The following GRXCR1 variants were observed in gnomAD, a reference collection of about 807,000 sequenced individuals.
GRXCR1 encodes the protein glutaredoxin and cysteine rich domain containing 1.
GRXCR1 carries 27 observed loss-of-function variants against 27.3 expected under a neutral mutation model. The ratio of observed to expected loss-of-function variants is 0.99; its 90% CI spans 0.73 to 1.37. The LOEUF is 1.37. Among genes scored for constraint, GRXCR1 ranks in the 40% most tolerant of loss-of-function variants. GRXCR1 has a pLI of 0.00. For missense variants in GRXCR1, 379 were observed against 354.4 expected, an observed-to-expected ratio of 1.07 and a Z score of -0.56; for synonymous variants, 122 against 131.1, an observed-to-expected ratio of 0.93 and a Z score of 0.47.
At chr4:42,935,653 A>G (rs1471557152) in intron 1 of GRXCR1, among the ~76,000 whole-genome samples, 1 of 151,948 alleles carries the variant, frequency 6.6e-6, no homozygotes, top group Non-Finnish European at 1.5e-5. Context: ...CCTCTGAGAC[A>G]TGGGATGAGT....
chr4:42,932,318 C>T (rs540479662), intron 1 of GRXCR1, among the ~76,000 whole-genome samples: 1 of 151,584 alleles, frequency 6.6e-6, no homozygotes, highest in Non-Finnish European at 1.5e-5. Flanking sequence ...TCTGTTCAGT[C>T]CCTGGAATAT....
chr4:42,941,596 A>T (rs10517064), intron 1 of GRXCR1, among the ~76,000 whole-genome samples: 1 of 151,758 alleles, frequency 6.6e-6, no homozygotes, highest in East Asian at 1.9e-4. Context: ...TTTAACGGAG[A>T]GGCAAATGAG....
chr4:42,937,024 T>C (rs1332138973), intron 1 of GRXCR1, among the ~76,000 whole-genome samples: 2 of 151,892 alleles, frequency 1.3e-5, no homozygotes, highest in African/African-American at 4.8e-5. Context: ...ATTTACCAGG[T>C]GAGGAGTTAC....
intron 2 of GRXCR1, among the ~76,000 whole-genome samples, chr4:43,002,996 A>T (rs1374507036): frequency 6.6e-6 from 1 of 152,160 alleles, no homozygotes; most frequent in Non-Finnish European, 1.5e-5. Flanking sequence ...AGTGCTCAAG[A>T]GATATGATGG....
chr4:43,013,617 C>T (rs1712833963), intron 2 of GRXCR1, among the ~76,000 whole-genome samples: 1 of 151,856 alleles, frequency 6.6e-6, no homozygotes, highest in Non-Finnish European at 1.5e-5. Flanking sequence ...CACATGTACC[C>T]CTGAATCGAA....
At position 43,012,591 on chromosome 4, in the gene GRXCR1, A is replaced by G. The variant is rs575514427; in HGVS notation, c.628-7763A>G. On this transcript the variant is annotated intron_variant, in intron 2 of 3. Transcript: ENST00000399770. ...TCTAACTAACAACTACTAATTATTG[A>G]GTTCATATTATGTGTCATGCAACGT... Among the ~76,000 whole-genome samples, 14 of 152,246 alleles carry G rather than the reference A, an allele frequency of 9.2e-5. No individual in the cohort carries two copies. The South Asian group carries it at 2.9e-3, about 32-fold the overall frequency.
chr4:42,955,488 G>T (rs542262554), intron 1 of GRXCR1, among the ~76,000 whole-genome samples: 2 of 152,184 alleles, frequency 1.3e-5, no homozygotes, highest in East Asian at 3.9e-4. Flanking sequence ...TCAGTGGAAA[G>T]CACGTGGACT....
chr4:43,004,252 C>T lies in GRXCR1; in HGVS notation c.628-16102C>T, dbSNP rs368863697. 1.4e-4 allele frequency among the ~76,000 whole-genome samples: 21 copies of T among 152,322 alleles called. No homozygotes were observed. The East Asian group carries it at 1.7e-3, about 13-fold the overall frequency. On this transcript the variant is annotated intron_variant, in intron 2 of 3. Transcript: ENST00000399770. ...TGCAAGAGATGAGAGTTAAGCTTTGCGAGCTTCTGCCTAGATTTCAGAGGA... is the reference window on the plus strand; with the variant it reads ...TGCAAGAGATGAGAGTTAAGCTTTGTGAGCTTCTGCCTAGATTTCAGAGGA...
intron 1 of GRXCR1, among the ~76,000 whole-genome samples, chr4:42,932,800 C>A (rs1009155653): frequency 2.0e-5 from 3 of 151,168 alleles, no homozygotes; most frequent in African/African-American, 7.3e-5. Flanking sequence ...AAGACCAAGG[C>A]CAACTTTAAA....
chr4:43,018,632 C>G (rs555782381), intron 2 of GRXCR1, among the ~76,000 whole-genome samples: 1 of 152,110 alleles, frequency 6.6e-6, no homozygotes, highest in Admixed American at 6.5e-5. Context: ...TTTTCTGGTA[C>G]ATTCATTTTG....
chr4:42,983,071 T>G (rs949690600), intron 2 of GRXCR1, among the ~76,000 whole-genome samples: 2 of 151,628 alleles, frequency 1.3e-5, no homozygotes, highest in Non-Finnish European at 3.0e-5. Flanking sequence ...TAGATCCCAT[T>G]TGTCAATTTT....
At chr4:43,005,507 A>T (rs1407997338) in intron 2 of GRXCR1, among the ~76,000 whole-genome samples, 1 of 152,184 alleles carries the variant, frequency 6.6e-6, no homozygotes, top group Non-Finnish European at 1.5e-5. Flanking sequence ...ATGTTGGATC[A>T]GTTTTGACAA....
At chr4:42,957,997 G>A (rs1445383393) in intron 1 of GRXCR1, among the ~76,000 whole-genome samples, 1 of 151,896 alleles carries the variant, frequency 6.6e-6, no homozygotes, top group Non-Finnish European at 1.5e-5. Context: ...CAATATGTGA[G>A]CATTGAAGAG....
At chr4:42,906,487 G>A (rs1746594993) in intron 1 of GRXCR1, among the ~76,000 whole-genome samples, 1 of 152,054 alleles carries the variant, frequency 6.6e-6, no homozygotes, top group Non-Finnish European at 1.5e-5. Flanking sequence ...CTTTGCCTGG[G>A]ATGCCAGTCA....
At position 42,991,344 on chromosome 4, in the gene GRXCR1, A is replaced by C. The variant is rs546982230; in HGVS notation, c.627+28210A>C. Among the ~76,000 whole-genome samples the C allele has an allele frequency of 7.9e-5, 12 of 152,022 alleles. No homozygotes were observed. The South Asian group carries it at 2.5e-3, about 32-fold the overall frequency. The stretch of plus-strand genomic sequence containing the variant: ...TAACCCATTTATATTTATTGTCTTA[A>C]ACAAAATTTTTTTCTTACCATTCTT... On this transcript the variant is annotated intron_variant, in intron 2 of 3. Transcript: ENST00000399770.
chr4:42,997,956 A>T (rs1216909849), intron 2 of GRXCR1, among the ~76,000 whole-genome samples: 2 of 152,178 alleles, frequency 1.3e-5, no homozygotes, highest in African/African-American at 4.8e-5. Flanking sequence ...TGTTGGCCTC[A>T]CCATACCTGA....
At chr4:42,907,288 C>T (rs1746618218) in intron 1 of GRXCR1, among the ~76,000 whole-genome samples, 1 of 152,154 alleles carries the variant, frequency 6.6e-6, no homozygotes, top group South Asian at 2.1e-4. Context: ...TACAGTTCAC[C>T]TCTTGCACTC....
chr4:43,014,756 A>G (rs1484180040), intron 2 of GRXCR1, among the ~76,000 whole-genome samples: 3 of 152,168 alleles, frequency 2.0e-5, no homozygotes, highest in Non-Finnish European at 4.4e-5. Flanking sequence ...TGAAATCATC[A>G]ATCACTAAAA....
chr4:43,011,105 A>T (rs2109802551), intron 2 of GRXCR1, among the ~76,000 whole-genome samples: 1 of 152,310 alleles, frequency 6.6e-6, no homozygotes, highest in South Asian at 2.1e-4. Flanking sequence ...CTACAGGAAG[A>T]TTCTCATCAG....
Sources: gnomAD v4.1 joint callset for allele counts (sites outside exome capture counted in the v4.1 genomes callset) on GRCh38, gnomAD v4.1.1 for gene constraint, MANE v1.5 for transcripts, NCBI Gene and HGNC (gene_info 2026-07-23, HGNC 2026-07-21) for gene names.